The following KIF26B variants were observed in gnomAD, a reference collection of about 807,000 sequenced individuals.
KIF26B encodes the protein kinesin family member 26B, also known as kinesin-like protein KIF26B.
Under a neutral mutation model 151.2 loss-of-function variants are expected in KIF26B, and 63 were observed. The observed-to-expected ratio is 0.42, with a 90% CI of 0.34 to 0.51. KIF26B has a LOEUF of 0.51. KIF26B is among the 20% of genes least tolerant of loss of function. The pLI, the probability that KIF26B is intolerant of heterozygous loss-of-function variation, is 0.07. For synonymous variants in KIF26B, 1,357 were observed against 1,262.1 expected (o/e 1.08, Z -1.59); for missense variants, 2,813 against 2,913.6 (o/e 0.97, Z 0.79).
intron 10 of KIF26B, among the ~76,000 whole-genome samples, chr1:245,664,156 G>T (rs111330118): frequency 6.6e-6 from 1 of 151,856 alleles, no homozygotes; most frequent in African/African-American, 2.4e-5. Flanking sequence ...ATCACCTGAG[G>T]TCGGGAGTTC....
rs61734432 is a variant in KIF26B, at chr1:245,698,990, C to T, written c.6131C>T (p.Ala2044Val). 8,941 of 1,613,952 alleles carry T rather than the reference C, an allele frequency of 5.5e-3. 413 individuals are homozygous for T. The African/African-American group carries it at 0.1, about 18-fold the overall frequency. Residue 2044 changes from alanine to valine, a missense_variant, in exon 14 of 15, where the codon GCG becomes GTG. This residue lies in a region of KIF26B where 2,060 missense variants were observed against 2,088.6 expected (regional missense o/e 0.99). Coordinates refer to ENST00000407071, the MANE Select transcript of KIF26B (RefSeq NM_018012.4). The surrounding 1 kb of genome is among the most constrained non-coding windows in gnomAD (Gnocchi z 4.0). ...GAGTGGCTGATGAAGGAGCTGGAGG[C>T]GACCAAACAGTATCTGATGCTGGAT... ...KYEWLMKELE[A>V]TKQYLMLDPN... is the part of the protein sequence containing the mutation.
intron 4 of KIF26B, among the ~76,000 whole-genome samples, chr1:245,459,057 C>T (rs1659597271): frequency 6.6e-6 from 1 of 152,282 alleles, no homozygotes; most frequent in East Asian, 1.9e-4. Context: ...AAAGGACTTA[C>T]TGCAGACTTA....
chr1:245,532,216 CTTTTT>C (rs1661379425), intron 4 of KIF26B, among the ~76,000 whole-genome samples: 1 of 144,740 alleles, frequency 6.9e-6, no homozygotes, highest in Non-Finnish European at 1.5e-5. Context: ...TAGGAAAATT[CTTTTT>C]TCTTTTCTTT....
At chr1:245,421,680 A>T (rs952425269) in intron 4 of KIF26B, among the ~76,000 whole-genome samples, 1 of 152,160 alleles carries the variant, frequency 6.6e-6, no homozygotes, top group African/African-American at 2.4e-5. Flanking sequence ...TCACAAGGCA[A>T]CCCAGAAGAT....
At chr1:245,438,533 C>CA (rs540532567) in intron 4 of KIF26B, among the ~76,000 whole-genome samples, 19 of 152,150 alleles carry the variant, frequency 1.2e-4, no homozygotes, top group Non-Finnish European at 2.1e-4. Flanking sequence ...ACCTTTCACT[C>CA]TAGGTATATA....
In KIF26B at chr1:245,560,888, A is replaced by G. The variant is rs954300422; in HGVS notation, c.1350+19938A>G. Among the ~76,000 whole-genome samples, 2 of 152,092 alleles carry G rather than the reference A, an allele frequency of 1.3e-5. No homozygotes were observed. The highest frequency in any genetic ancestry group is 2.9e-5 in the Non-Finnish European group (2 of 68,012). On this transcript the variant is annotated intron_variant, in intron 5 of 14. Transcript: ENST00000407071. This position sits in a 1 kb window ranked among gnomAD's most constrained non-coding sequence, Gnocchi z 4.3. ...AAAGATTCTGGATTTGGGCGGTCTC[A>G]CCTCCAAAATTGCAGCCCCTAAGGG...
At chr1:245,669,094 ATTTG>A (rs2044252174) in intron 10 of KIF26B, among the ~76,000 whole-genome samples, 1 of 152,186 alleles carries the variant, frequency 6.6e-6, no homozygotes, top group Non-Finnish European at 1.5e-5. Flanking sequence ...TTCAAAAGAA[ATTTG>A]TTCCTCGACA....
chr1:245,688,435 G>T lies in KIF26B; in HGVS notation c.5452G>T (p.Ala1818Ser). The change falls in exon 12 of 15, where the codon GCC becomes TCC. Residue 1818 changes from alanine to serine, a missense_variant. Ala to Ser is a moderately conservative substitution (Grantham distance 99, BLOSUM62 1). Transcript: ENST00000407071. ...ISELLQGGAG[A>S]RGLQLRAGPE... ...GGAGCTGCTGCAGGGTGGCGCGGGCGCCCGGGGCTTGCAGCTGCGGGCCGG... is the reference window on the plus strand; with the variant it reads ...GGAGCTGCTGCAGGGTGGCGCGGGCTCCCGGGGCTTGCAGCTGCGGGCCGG... 1 of 1,391,886 alleles carries T rather than the reference G, an allele frequency of 7.2e-7. No individual in the cohort carries two copies. Among genetic ancestry groups the T allele is most frequent in the Non-Finnish European group, 9.3e-7 (1 of 1,080,408 alleles). The allele number at this position is 1,391,886 out of a possible 1,614,324, so 86.2% of individuals were successfully genotyped here. A position where few individuals can be genotyped will look rare whatever the true frequency, so the allele number is the denominator to read the frequency against.
chr1:245,502,082 A>G (rs1325090242), intron 4 of KIF26B, among the ~76,000 whole-genome samples: 1 of 152,196 alleles, frequency 6.6e-6, no homozygotes, highest in Non-Finnish European at 1.5e-5. Flanking sequence ...ATAAAAAAGG[A>G]ATCTTGTCTG....
At chr1:245,607,838 G>T (rs1465394235) in intron 7 of KIF26B, 94 bp downstream of exon 7, 2 of 946,650 alleles carry the variant, frequency 2.1e-6, no homozygotes, top group East Asian at 5.3e-5. Context: ...CTGATGACAG[G>T]AAGGGCTGCG....
chr1:245,350,548 G>C (rs890625903), intron 2 of KIF26B, among the ~76,000 whole-genome samples: 1 of 152,082 alleles, frequency 6.6e-6, no homozygotes, highest in African/African-American at 2.4e-5. Context: ...CCCCACAGCT[G>C]ATCTTTGACC....
chr1:245,339,878 A>G (rs2102995252), intron 2 of KIF26B, among the ~76,000 whole-genome samples: 1 of 152,158 alleles, frequency 6.6e-6, no homozygotes, highest in East Asian at 1.9e-4. Flanking sequence ...ATTTTATTTT[A>G]TATACATATC....
chr1:245,331,337 G>C (rs561300366), intron 2 of KIF26B, among the ~76,000 whole-genome samples: 112 of 152,008 alleles, frequency 7.4e-4, no homozygotes, highest in South Asian at 2.5e-3. Flanking sequence ...TGAGAAAAAT[G>C]ACAGCTCACG....
At chr1:245,580,581 C>T (rs1204995605) in intron 5 of KIF26B, among the ~76,000 whole-genome samples, 2 of 152,178 alleles carry the variant, frequency 1.3e-5, no homozygotes, top group Non-Finnish European at 2.9e-5. Flanking sequence ...CCGGACTCGC[C>T]TCCTCCCTCC....
At chr1:245,477,757 C>A (rs545059066) in intron 4 of KIF26B, among the ~76,000 whole-genome samples, 1 of 151,806 alleles carries the variant, frequency 6.6e-6, no homozygotes, top group South Asian at 2.1e-4. Context: ...GGAAAAGAGA[C>A]CGAATGGTAG....
chr1:245,316,053 T>C (rs1158655334), intron 2 of KIF26B, among the ~76,000 whole-genome samples: 4 of 152,044 alleles, frequency 2.6e-5, no homozygotes, highest in Admixed American at 2.0e-4. Context: ...GACCACAGCC[T>C]GTTTCATGTC....
chr1:245,263,668 C>G (rs1333271254), intron 2 of KIF26B, among the ~76,000 whole-genome samples: 2 of 152,224 alleles, frequency 1.3e-5, no homozygotes, highest in Admixed American at 1.3e-4. Context: ...CTTCCTAGAC[C>G]CCTTGGGAGA....
rs532661535 is a variant in KIF26B at position 245,611,728 on chromosome 1, C to T, written c.1915-65C>T. On this transcript the variant is annotated intron_variant, in intron 8 of 14. Coordinates refer to ENST00000407071, the MANE Select transcript of KIF26B (RefSeq NM_018012.4). ...GCCAGCTGAATGGTGCTGGGGACAC[C>T]CAGGCATGAGTGACAGCAAGCCCTC... 1.6e-4 allele frequency: 245 copies of T among 1,522,970 alleles called. 2 individuals carry two copies. The African/African-American group carries it at 3.2e-3, about 20-fold the overall frequency. The allele number at this position is 1,522,970 out of a possible 1,614,324, so 94.3% of individuals were successfully genotyped here.
chr1:245,688,903 G>A lies in KIF26B; in HGVS notation c.5824+96G>A, dbSNP rs968022117. On this transcript the variant is annotated intron_variant, in intron 12 of 14. Coordinates refer to ENST00000407071, the MANE Select transcript of KIF26B (RefSeq NM_018012.4). ...AGGGTGTCCCGTGCCCTGGGGAGGG[G>A]GCGTCCAGGCCTGGCCTCTCCTTGC... 4.9e-5 allele frequency: 70 copies of A among 1,419,384 alleles called. No homozygotes were observed. In the Admixed American group the frequency reaches 1.7e-3, roughly 34 times the overall value. The allele number at this position is 1,419,384 out of a possible 1,614,324, so 87.9% of individuals were successfully genotyped here.
Sources: allele counts gnomAD v4.1 joint callset (sites outside exome capture counted in the v4.1 genomes callset), GRCh38; gene constraint gnomAD v4.1.1; regional missense constraint gnomAD v4.1.1; non-coding constraint Gnocchi (gnomAD v3.1); transcripts MANE v1.5; gene names NCBI Gene and HGNC (gene_info 2026-07-23, HGNC 2026-07-21).